The following MICALL1 variants were observed in gnomAD, a reference collection of about 807,000 sequenced individuals.
MICALL1 encodes MICAL like 1.
Under a neutral mutation model 83.7 loss-of-function variants are expected in MICALL1, and 61 were observed. The ratio of observed to expected loss-of-function variants is 0.73; its 90% confidence interval spans 0.59 to 0.90. The LOEUF is 0.90. MICALL1 is among the 40% of genes least tolerant of loss of function. The pLI is 0.00. For synonymous variants in MICALL1, 481 were observed against 473.6 expected (o/e 1.02, Z -0.20); for missense variants, 1,066 against 1,152.0 (o/e 0.93, Z 1.08).
At chr22:37,937,238 C>A (rs1490526343) in intron 14 of MICALL1, 44 bp downstream of exon 14, 5 of 1,466,718 alleles carry the variant, frequency 3.4e-6, no homozygotes, top group Non-Finnish European at 3.7e-6. Flanking sequence ...AGGGCCAGAG[C>A]AGGTCAGGCT....
chr22:37,921,194 C>T (rs1044435758), intron 5 of MICALL1, among the ~76,000 whole-genome samples: 6 of 152,172 alleles, frequency 3.9e-5, no homozygotes, highest in Admixed American at 6.6e-5. Flanking sequence ...AGAGGCACAG[C>T]TGGAGTAAGA....
chr22:37,940,600 C>G, intron 15 of MICALL1, 109 bp from the exon 16 acceptor site: 1 of 1,374,338 alleles, frequency 7.3e-7, no homozygotes, highest in Non-Finnish European at 1.0e-6. Flanking sequence ...AGTGGTGGGG[C>G]TGGGCTGAGC....
Position 37,932,912 on chromosome 22 carries a change from C to A in MICALL1, c.2234+24C>A. On this transcript the variant is annotated intron_variant, in intron 12 of 15. Coordinates refer to ENST00000215957, the MANE Select transcript of MICALL1 (RefSeq NM_033386.4). This position sits in a 1 kb window ranked among gnomAD's most constrained non-coding sequence, Gnocchi z 4.4. The stretch of plus-strand genomic sequence containing the variant: ...GTGTGAGTCCCCCCGCCTGGGGCAT[C>A]CCTCCCTGGAATCCGTAGAGCTTAG... 6.2e-7 allele frequency: 1 copy of A among 1,613,652 alleles called. No individual in the cohort carries two copies. The highest frequency in any genetic ancestry group is 2.2e-5 in the East Asian group (1 of 44,864).
At chr22:37,936,154 C>T (rs567954442) in intron 13 of MICALL1, among the ~76,000 whole-genome samples, 2 of 152,280 alleles carry the variant, frequency 1.3e-5, no homozygotes, top group South Asian at 4.1e-4. Context: ...CCCCAGTGGG[C>T]CCCTGGGGGT....
rs554679479 is a variant in MICALL1 at position 37,912,603 on chromosome 22, T to C, written c.337+111T>C. ...TGTAAACAGGCTGCTGAGGAGTGTGTCATTCATTTACTTATTCATTAATTC... is the reference window on the plus strand; with the variant it reads ...TGTAAACAGGCTGCTGAGGAGTGTGCCATTCATTTACTTATTCATTAATTC... On this transcript the variant is annotated intron_variant, in intron 3 of 15. Transcript: ENST00000215957. The C allele has an allele frequency of 2.4e-5, 24 of 1,000,432 alleles. No individual in the cohort carries two copies. In the African/African-American group the frequency reaches 3.8e-4, roughly 16 times the overall value. The allele number at this position is 1,000,432 out of a possible 1,614,324, so 62.0% of individuals were successfully genotyped here.
At chr22:37,921,576 A>AC (rs1929033431) in intron 5 of MICALL1, among the ~76,000 whole-genome samples, 1 of 152,166 alleles carries the variant, frequency 6.6e-6, no homozygotes. Flanking sequence ...TCCATCTCAA[A>AC]AAAACAAAAC....
At chr22:37,937,959 C>T in intron 15 of MICALL1, 167 bp downstream of exon 15, 1 of 839,372 alleles carries the variant, frequency 1.2e-6, no homozygotes, top group Non-Finnish European at 1.9e-6. Context: ...GCAAGAGAGG[C>T]CAGCATACAG....
At chr22:37,928,573 A>G (rs1215698720) in intron 9 of MICALL1, among the ~76,000 whole-genome samples, 2 of 151,882 alleles carry the variant, frequency 1.3e-5, no homozygotes, top group Non-Finnish European at 2.9e-5. Flanking sequence ...CTATCTACCC[A>G]TTACCCACTC....
intron 13 of MICALL1, among the ~76,000 whole-genome samples, chr22:37,936,371 T>A (rs1314284308): frequency 6.6e-6 from 1 of 152,182 alleles, no homozygotes; most frequent in Non-Finnish European, 1.5e-5. Flanking sequence ...TTCCCTGTTG[T>A]CTCCTCGCCC....
chr22:37,939,396 A>G (rs1930307442), intron 15 of MICALL1, among the ~76,000 whole-genome samples: 1 of 152,184 alleles, frequency 6.6e-6, no homozygotes, highest in African/African-American at 2.4e-5. Flanking sequence ...CAGACAGATG[A>G]TTTTGAAGGT....
intron 3 of MICALL1, among the ~76,000 whole-genome samples, chr22:37,915,517 T>C (rs950264604): frequency 6.6e-6 from 1 of 152,196 alleles, no homozygotes; most frequent in African/African-American, 2.4e-5. Context: ...GGGTCAGTTA[T>C]TTAACCACTC....
chr22:37,919,022 C>A lies in MICALL1; in HGVS notation c.427-14C>A. On this transcript the variant is annotated splice_polypyrimidine_tract_variant and intron_variant, in intron 4 of 15. Coordinates refer to ENST00000215957, the MANE Select transcript of MICALL1 (RefSeq NM_033386.4). ...ATGTCCTGCTCCCAACCTCCCCCACCTCGTTCTCTGCAGGGCGAGGAGCTC... is the reference window on the plus strand; with the variant it reads ...ATGTCCTGCTCCCAACCTCCCCCACATCGTTCTCTGCAGGGCGAGGAGCTC... The A allele has an allele frequency of 6.5e-7, 1 of 1,539,478 alleles. No individual in the cohort carries two copies. Among genetic ancestry groups the A allele is most frequent in the Non-Finnish European group, 8.8e-7 (1 of 1,138,630 alleles).
rs964857855 is a variant in MICALL1 at position 37,941,995 on chromosome 22, C to T, written c.*1165C>T. 13 of 152,302 alleles carry T rather than the reference C, an allele frequency of 8.5e-5. No individual in the cohort carries two copies. Among genetic ancestry groups the T allele is most frequent in the African/African-American group, 2.9e-4 (12 of 41,474 alleles). The allele number at this position is 152,302 out of a possible 1,614,324, so 9.4% of individuals were successfully genotyped here. On this transcript the variant is annotated 3_prime_UTR_variant, in exon 16 of 16. Transcript: ENST00000215957. ...AGGAGTTTCCTCACCAATAAACAGACAACCTCAACTGCCAGTGCCCTGCAG... is the reference window on the plus strand; with the variant it reads ...AGGAGTTTCCTCACCAATAAACAGATAACCTCAACTGCCAGTGCCCTGCAG...
At position 37,926,030 on chromosome 22, in the gene MICALL1, C is replaced by A; in HGVS notation, c.1452C>A (p.Ser484Arg). 6.2e-7 allele frequency: 1 copy of A among 1,600,906 alleles called. No homozygotes were observed. Among genetic ancestry groups the A allele is most frequent in the Middle Eastern group, 1.8e-4 (1 of 5,570 alleles). ...AGCGCCCTGCCCCGCGCGCACCCAG[C>A]GCGTCCCCACTGGGTGAGTGCCTTT... ...TKKRPAPRAP[S>R]ASPLALHASR... The change falls in exon 8 of 16, where the codon AGC (serine) becomes AGA (arginine). Residue 484 changes from serine (S) to arginine (R), a missense_variant. By Grantham distance (110) the Ser-to-Arg change is moderately radical (BLOSUM62 -1). Coordinates refer to ENST00000215957, the MANE Select transcript of MICALL1 (RefSeq NM_033386.4).
At chr22:37,917,556 C>T (rs1928754990) in intron 3 of MICALL1, 151 bp from the exon 4 acceptor site, 7 of 657,274 alleles carry the variant, frequency 1.1e-5, no homozygotes, top group Admixed American at 5.0e-5. Flanking sequence ...TCCCCGGGCC[C>T]GTGTGAAGCG....
chr22:37,917,553 G>C (rs1223759504), intron 3 of MICALL1, among the ~76,000 whole-genome samples, 154 bp from the exon 4 acceptor site: 1 of 151,984 alleles, frequency 6.6e-6, no homozygotes, highest in Non-Finnish European at 1.5e-5. Context: ...GCGTCCCCGG[G>C]CCCGTGTGAA....
intron 15 of MICALL1, among the ~76,000 whole-genome samples, chr22:37,940,300 G>A (rs939888383): frequency 1.3e-5 from 2 of 151,742 alleles, no homozygotes; most frequent in African/African-American, 2.4e-5. Flanking sequence ...GCACCTGCCT[G>A]TAGTCCCAGC....
rs949183842 is a variant in MICALL1, at chr22:37,932,948, C to G, written c.2234+60C>G. The G allele has an allele frequency of 3.8e-5, 61 of 1,612,104 alleles. No individual in the cohort carries two copies. Among genetic ancestry groups the G allele is most frequent in the Admixed American group, 8.3e-5 (5 of 59,968 alleles). The stretch of plus-strand genomic sequence containing the variant: ...ATCCGTAGAGCTTAGAATGGAGAAC[C>G]CTTACCCTCTTCCCTCATCAGTAAC... On this transcript the variant is annotated intron_variant, in intron 12 of 15. Coordinates refer to ENST00000215957, the MANE Select transcript of MICALL1 (RefSeq NM_033386.4). This position sits in a 1 kb window ranked among gnomAD's most constrained non-coding sequence, Gnocchi z 4.4.
At position 37,931,886 on chromosome 22, in the gene MICALL1, G is replaced by C. The variant is rs79384928; in HGVS notation, c.1969G>C (p.Val657Leu). 1 of 1,614,184 alleles carries C rather than the reference G, an allele frequency of 6.2e-7. No homozygotes were observed. Among genetic ancestry groups the C allele is most frequent in the African/African-American group, 1.3e-5 (1 of 75,062 alleles). ...TKKATKGSKP[V>L]RPPAPGHGFP... ...GAAGGCCACCAAGGGATCCAAGCCA[G>C]TGAGGCCACCTGCCCCTGGACACGG... The change falls in exon 10 of 16, where the codon GTG becomes CTG. Residue 657 changes from valine (V) to leucine (L), a missense_variant. Transcript: ENST00000215957.
Sources: allele counts gnomAD v4.1 joint callset (sites outside exome capture counted in the v4.1 genomes callset), GRCh38; gene constraint gnomAD v4.1.1; non-coding constraint Gnocchi (gnomAD v3.1); transcripts MANE v1.5; gene names NCBI Gene and HGNC (gene_info 2026-07-23, HGNC 2026-07-21).